The following OR52N4 variants were observed in gnomAD, a reference collection of about 807,000 sequenced individuals.
OR52N4 encodes olfactory receptor family 52 subfamily N member 4.
Under a neutral mutation model 15.0 loss-of-function variants are expected in OR52N4, and 15 were observed. That is an observed-to-expected ratio of 1.00 (90% CI 0.67 to 1.54). The LOEUF is 1.54. Among genes scored for constraint, OR52N4 ranks in the 40% most tolerant of loss-of-function variants. The pLI, the probability that OR52N4 is intolerant of heterozygous loss-of-function variation, is 0.00. For synonymous variants in OR52N4, 143 were observed against 143.7 expected (o/e 1.00, Z 0.03); for missense variants, 421 against 394.0 (o/e 1.07, Z -0.58).
chr11:5,736,292 ATTC>A, the OR52N4 span: 1 of 532,416 alleles, frequency 1.9e-6, no homozygotes, highest in Non-Finnish European at 3.3e-6. Flanking sequence ...ATCTCCCATA[ATTC>A]TTCATTTAAA....
upstream of OR52N4, among the ~76,000 whole-genome samples, chr11:5,751,401 G>A (rs563666071): frequency 6.6e-6 from 1 of 151,830 alleles, no homozygotes; most frequent in South Asian, 2.1e-4. Context: ...CTTTATGAGA[G>A]AGATGCCTTA....
the OR52N4 span, among the ~76,000 whole-genome samples, chr11:5,735,286 C>G: frequency 6.6e-6 from 1 of 151,712 alleles, no homozygotes; most frequent in African/African-American, 2.4e-5. Context: ...CAAAGAAGTT[C>G]AAAGCAAGAG....
chr11:5,733,326 A>G, the OR52N4 span, among the ~76,000 whole-genome samples: 2 of 152,112 alleles, frequency 1.3e-5, no homozygotes, highest in East Asian at 3.8e-4. Context: ...TTGTTGTTAC[A>G]CTGAGATTAC....
the OR52N4 span, among the ~76,000 whole-genome samples, chr11:5,741,762 A>G: frequency 6.6e-6 from 1 of 152,132 alleles, no homozygotes; most frequent in African/African-American, 2.4e-5. Context: ...TGAGGCAAAT[A>G]ACTGCCAGAA....
Position 5,755,649 on chromosome 11 carries a change from A to G in OR52N4, c.909A>G (p.Arg303=). ...ATGGGGTGAAAACCAAACAGATACGAGACTGTGTCATAAGGATCCTTTCAG... is the reference window on the plus strand; with the variant it reads ...ATGGGGTGAAAACCAAACAGATACGGGACTGTGTCATAAGGATCCTTTCAG... The part of the protein sequence containing the change: ...IVYGVKTKQI[R]DCVIRILSGS... Residue 303 remains arginine, a synonymous_variant, in exon 2 of 2, where the codon CGA becomes CGG. Coordinates refer to ENST00000641350, the MANE Select transcript of OR52N4 (RefSeq NM_001005175.5). 1.9e-6 allele frequency: 3 copies of G among 1,613,802 alleles called. No individual in the cohort carries two copies. Among genetic ancestry groups the G allele is most frequent in the Non-Finnish European group, 2.5e-6 (3 of 1,179,762 alleles).
At chr11:5,736,012 C>G in the OR52N4 span, 1 of 156,604 alleles carries the variant, frequency 6.4e-6, no homozygotes, top group South Asian at 1.8e-4. Context: ...TAAGATTCAA[C>G]TATAAAAAAA....
upstream of OR52N4, among the ~76,000 whole-genome samples, chr11:5,751,681 T>C (rs959438502): frequency 6.6e-6 from 1 of 152,160 alleles, no homozygotes; most frequent in Non-Finnish European, 1.5e-5. Flanking sequence ...TTGACATTTA[T>C]TGAGTATCTA....
chr11:5,738,857 C>CTGACTATGGTTACTG, the OR52N4 span, among the ~76,000 whole-genome samples: 1 of 132,018 alleles, frequency 7.6e-6, no homozygotes, highest in East Asian at 2.6e-4. Flanking sequence ...AGGCTACTTT[C>CTGACTATGGTTACTG]CATTAAACAC....
chr11:5,744,799 G>A, the OR52N4 span, among the ~76,000 whole-genome samples: 4 of 152,160 alleles, frequency 2.6e-5, no homozygotes, highest in Non-Finnish European at 4.4e-5. Context: ...TGTAATCCCA[G>A]CTACTAGGGG....
chr11:5,736,452 G>A, the OR52N4 span: 1 of 1,373,192 alleles, frequency 7.3e-7, no homozygotes, highest in Non-Finnish European at 1.0e-6. Flanking sequence ...TTTTATTTCT[G>A]TGGTGGTTCC....
chr11:5,754,105 A>G (rs1174540252), upstream of OR52N4: 4 of 151,934 alleles, frequency 2.6e-5, no homozygotes, highest in Admixed American at 6.6e-5. Context: ...AGTTATTTTA[A>G]AATATACAAT....
upstream of OR52N4, among the ~76,000 whole-genome samples, chr11:5,753,225 G>A (rs12365568): frequency 0.17 from 26,148 of 151,884 alleles, 2,358 homozygotes; most frequent in East Asian, 0.24. Context: ...TAATTTACAT[G>A]TCTACCAGCA....
At chr11:5,750,930 G>A (rs142264789), upstream of OR52N4, among the ~76,000 whole-genome samples, 3,037 of 152,026 alleles carry the variant, frequency 0.02, 38 homozygotes, top group Non-Finnish European at 0.029. Context: ...TAATGTAAGT[G>A]TAACTTTGGG....
the OR52N4 span, among the ~76,000 whole-genome samples, chr11:5,733,458 G>C: frequency 2.0e-5 from 3 of 152,030 alleles, no homozygotes; most frequent in Admixed American, 6.6e-5. Context: ...ACACACCATA[G>C]TTATCTTCTA....
the OR52N4 span, among the ~76,000 whole-genome samples, chr11:5,728,227 C>T: frequency 9.2e-5 from 14 of 151,968 alleles, no homozygotes; most frequent in African/African-American, 3.4e-4. Flanking sequence ...ATGGGAGGAC[C>T]TTTCAGAAGT....
chr11:5,755,063 C>G lies in OR52N4; in HGVS notation c.323C>G (p.Thr108Ser). 1.9e-6 allele frequency: 3 copies of G among 1,614,036 alleles called. 1 individual carries two copies. The South Asian group carries it at 3.3e-5, about 18-fold the overall frequency. The change falls in exon 2 of 2, where the codon ACC becomes AGC. Residue 108 changes from threonine to serine, a missense_variant. Transcript: ENST00000641350. ...ECLVQMFFTH[T>S]FTGMESGVLM... ...CTTGTCCAGATGTTCTTCACCCACACCTTCACAGGGATGGAGTCTGGGGTG... is the reference window on the plus strand; with the variant it reads ...CTTGTCCAGATGTTCTTCACCCACAGCTTCACAGGGATGGAGTCTGGGGTG...
At chr11:5,743,802 C>A in the OR52N4 span, among the ~76,000 whole-genome samples, 4 of 152,060 alleles carry the variant, frequency 2.6e-5, no homozygotes, top group African/African-American at 9.7e-5. Context: ...ATTTAAAACT[C>A]TAACATTGTA....
At chr11:5,737,621 A>C in the OR52N4 span, 2 of 819,458 alleles carry the variant, frequency 2.4e-6, no homozygotes, top group African/African-American at 1.7e-5. Context: ...TAATTGTGAA[A>C]GCTTCAGAAA....
the OR52N4 span, among the ~76,000 whole-genome samples, chr11:5,746,746 A>T: frequency 2.6e-5 from 4 of 152,186 alleles, no homozygotes; most frequent in African/African-American, 7.2e-5. Flanking sequence ...AGATTTTTCA[A>T]ATAAATAAAA....
Sources: gnomAD v4.1 joint callset for allele counts (sites outside exome capture counted in the v4.1 genomes callset) on GRCh38, gnomAD v4.1.1 for gene constraint, MANE v1.5 for transcripts, NCBI Gene and HGNC (gene_info 2026-07-23, HGNC 2026-07-21) for gene names.